GALNT17: variants seen among roughly 807,000 people sequenced by gnomAD.
GALNT17 encodes polypeptide N-acetylgalactosaminyltransferase 17, also known as UDP-GalNAc:polypeptide N-acetylgalactosaminyltransferase-like 3.
A neutral mutation model predicts 63.7 loss-of-function variants in GALNT17; 29 were observed. The ratio of observed to expected loss-of-function variants is 0.46; its 90% confidence interval spans 0.34 to 0.62. The LOEUF is 0.62. Among genes scored for constraint, GALNT17 ranks in the 20% least tolerant of loss-of-function variants. The probability of loss-of-function intolerance (pLI) is 0.01; values close to 1 mark genes in which losing one functional copy is unlikely to be tolerated. For missense variants in GALNT17, 603 were observed against 799.6 expected, an observed-to-expected ratio of 0.75 and a Z score of 2.97; for synonymous variants, 305 against 318.3, an observed-to-expected ratio of 0.96 and a Z score of 0.45.
rs554716771 is a variant in GALNT17, at chr7:71,403,669, A to G, written c.590-12220A>G. On this transcript the variant is annotated intron_variant, in intron 3 of 10. Transcript: ENST00000333538. ...GACCTTGGAAACTTCAGGGTCCTGA[A>G]TACGGAGCACCCCAGAATGCTAGAG... 2.6e-5 allele frequency among the ~76,000 whole-genome samples: 4 copies of G among 152,308 alleles called. No homozygotes were observed. The South Asian group carries it at 8.3e-4, about 32-fold the overall frequency.
intron 1 of GALNT17, among the ~76,000 whole-genome samples, chr7:71,180,092 C>A (rs907743436): frequency 6.6e-6 from 1 of 152,006 alleles, no homozygotes; most frequent in South Asian, 2.1e-4. Context: ...CACCTTGAAG[C>A]CTTTGCTATA....
rs552180995 is a variant in GALNT17, at chr7:71,698,812, A to C, written c.1501-11949A>C. Among the ~76,000 whole-genome samples the C allele has an allele frequency of 9.8e-5, 15 of 152,324 alleles. No individual in the cohort carries two copies. The East Asian group carries it at 2.5e-3, about 26-fold the overall frequency. ...ATGGATTTAACTCTTCAGTTAAAAG[A>C]CAGAGATTGCCACCTTAAATTTTTA... On this transcript the variant is annotated intron_variant, in intron 9 of 10. Transcript: ENST00000333538.
At chr7:71,285,520 A>T (rs1194426781) in intron 1 of GALNT17, among the ~76,000 whole-genome samples, 1 of 152,170 alleles carries the variant, frequency 6.6e-6, no homozygotes, top group East Asian at 1.9e-4. Flanking sequence ...TATGGACTGG[A>T]TGTTAGTGTG....
chr7:71,519,607 G>C (rs369799971), intron 5 of GALNT17, among the ~76,000 whole-genome samples: 45 of 152,228 alleles, frequency 3.0e-4, no homozygotes, highest in African/African-American at 9.6e-4. Context: ...GAGACTACAG[G>C]TGTGCACCAC....
chr7:71,526,338 C>T (rs1406277269), intron 5 of GALNT17, among the ~76,000 whole-genome samples: 1 of 152,026 alleles, frequency 6.6e-6, no homozygotes, highest in Non-Finnish European at 1.5e-5. Context: ...GCCAATTCCT[C>T]ACAAAGTGGT....
intron 6 of GALNT17, among the ~76,000 whole-genome samples, chr7:71,661,871 T>C (rs2117039249): frequency 6.6e-6 from 1 of 152,170 alleles, no homozygotes; most frequent in East Asian, 1.9e-4. Flanking sequence ...AGCCCATGTC[T>C]CTGCCACACA....
At chr7:71,393,369 G>A (rs1160372541) in intron 3 of GALNT17, among the ~76,000 whole-genome samples, 1 of 151,920 alleles carries the variant, frequency 6.6e-6, no homozygotes, top group Non-Finnish European at 1.5e-5. Flanking sequence ...TGGAAAATTC[G>A]AATGTATCAA....
intron 1 of GALNT17, among the ~76,000 whole-genome samples, chr7:71,315,420 C>T (rs889421184): frequency 6.6e-6 from 1 of 152,120 alleles, no homozygotes; most frequent in Non-Finnish European, 1.5e-5. Flanking sequence ...TATGGTAATT[C>T]CATGTTTCAC....
At chr7:71,444,330 A>T (rs1330936392) in intron 5 of GALNT17, among the ~76,000 whole-genome samples, 3 of 151,946 alleles carry the variant, frequency 2.0e-5, no homozygotes, top group Non-Finnish European at 4.4e-5. Flanking sequence ...TTCCCTCGCC[A>T]CTTCCCCTTT....
At chr7:71,540,890 C>T (rs1562682716) in intron 5 of GALNT17, among the ~76,000 whole-genome samples, 2 of 152,112 alleles carry the variant, frequency 1.3e-5, no homozygotes, top group Non-Finnish European at 2.9e-5. Context: ...CTTAGATTAA[C>T]ATCTGTGCTT....
At chr7:71,525,653 G>GGGAGAC (rs1788612006) in intron 5 of GALNT17, among the ~76,000 whole-genome samples, 1 of 146,304 alleles carries the variant, frequency 6.8e-6, no homozygotes, top group African/African-American at 2.5e-5. Context: ...GGTCTCCCCA[G>GGGAGAC]TCATGTGGAA....
At chr7:71,595,309 A>C (rs78126548) in intron 6 of GALNT17, among the ~76,000 whole-genome samples, 2,574 of 152,166 alleles carry the variant, frequency 0.017, 26 homozygotes, top group Middle Eastern at 0.065. Flanking sequence ...ACATGTCTGT[A>C]GTCATAGCTA....
intron 1 of GALNT17, among the ~76,000 whole-genome samples, chr7:71,181,438 A>G (rs190117924): frequency 6.6e-6 from 1 of 152,262 alleles, no homozygotes. Flanking sequence ...TCTTGACCCC[A>G]GGGCCTTTCA....
chr7:71,570,145 A>G (rs1456148782), intron 5 of GALNT17, among the ~76,000 whole-genome samples: 1 of 151,904 alleles, frequency 6.6e-6, no homozygotes, highest in South Asian at 2.1e-4. Context: ...CAATAGGTCA[A>G]CTTGTGCCTT....
At chr7:71,706,308 C>G (rs1408263915) in intron 9 of GALNT17, among the ~76,000 whole-genome samples, 3 of 152,192 alleles carry the variant, frequency 2.0e-5, no homozygotes, top group African/African-American at 4.8e-5. Flanking sequence ...GCCATGTGGC[C>G]TCTGCAGGTC....
intron 6 of GALNT17, among the ~76,000 whole-genome samples, chr7:71,618,329 C>G (rs573840736): frequency 6.6e-6 from 1 of 152,286 alleles, no homozygotes; most frequent in Admixed American, 6.5e-5. Flanking sequence ...GATAGATACC[C>G]AGTAATGGGA....
intron 1 of GALNT17, among the ~76,000 whole-genome samples, chr7:71,175,151 T>TC (rs11409899): frequency 2.7e-4 from 35 of 130,102 alleles, no homozygotes; most frequent in African/African-American, 1.2e-3. Context: ...CATCCATTCT[T>TC]CTTTCTTTCT....
At chr7:71,409,988 C>T (rs959721488) in intron 3 of GALNT17, among the ~76,000 whole-genome samples, 4 of 152,092 alleles carry the variant, frequency 2.6e-5, no homozygotes, top group African/African-American at 9.7e-5. Context: ...GTCCTTCAGA[C>T]CAGCTGATGT....
rs537989477 is a variant in GALNT17, at chr7:71,668,217, T to C, written c.1267-1755T>C. Among the ~76,000 whole-genome samples the C allele has an allele frequency of 1.2e-3, 189 of 151,982 alleles. 1 individual carries two copies. The highest frequency in any genetic ancestry group is 2.4e-3 in the Non-Finnish European group (164 of 67,954). ...AATCTCTGGTCCCAAATGCCAGTGGTAACCTACCAGGCTTTTAAAAAATGA... is the reference window on the plus strand; with the variant it reads ...AATCTCTGGTCCCAAATGCCAGTGGCAACCTACCAGGCTTTTAAAAAATGA... On this transcript the variant is annotated intron_variant, in intron 7 of 10. Transcript: ENST00000333538.
Sources: allele counts gnomAD v4.1 joint callset (sites outside exome capture counted in the v4.1 genomes callset), GRCh38; gene constraint gnomAD v4.1.1; transcripts MANE v1.5; gene names NCBI Gene and HGNC (gene_info 2026-07-23, HGNC 2026-07-21).